Variants in SSBP2 observed in about 807,000 individuals in gnomAD.
The protein encoded by SSBP2 is single-stranded DNA-binding protein 2.
In SSBP2, 17 loss-of-function variants were observed where a neutral mutation model predicts 61.8. The observed-to-expected ratio is 0.28, with a 90% CI of 0.19 to 0.41. SSBP2 has a LOEUF of 0.41. SSBP2 is among the 10% of genes least tolerant of loss of function. The pLI is 1.00. For synonymous variants in SSBP2, 139 were observed against 141.3 expected (o/e 0.98, Z 0.12); for missense variants, 310 against 458.7 (o/e 0.68, Z 2.96).
chr5:81,594,762 A>G (rs924322969), intron 4 of SSBP2, among the ~76,000 whole-genome samples: 3 of 152,240 alleles, frequency 2.0e-5, no homozygotes, highest in African/African-American at 7.2e-5. Context: ...TAATGAAATG[A>G]AGGCAGAAAT....
intron 2 of SSBP2, among the ~76,000 whole-genome samples, chr5:81,646,383 A>G (rs949899761): frequency 1.3e-5 from 2 of 152,096 alleles, no homozygotes; most frequent in Admixed American, 1.3e-4. Flanking sequence ...ACCAACTCAA[A>G]TAAGTAAGTC....
chr5:81,627,516 C>T (rs1747289925), intron 3 of SSBP2, among the ~76,000 whole-genome samples: 1 of 152,078 alleles, frequency 6.6e-6, no homozygotes, highest in Non-Finnish European at 1.5e-5. Flanking sequence ...TGCCATTGCA[C>T]TTGTTTTCCT....
intron 4 of SSBP2, among the ~76,000 whole-genome samples, chr5:81,563,528 G>A (rs1773205314): frequency 6.6e-6 from 1 of 152,088 alleles, no homozygotes; most frequent in Non-Finnish European, 1.5e-5. Context: ...GCTCTTTAAA[G>A]GACACTGAAA....
At position 81,461,036 on chromosome 5, in the gene SSBP2, A is replaced by T. The variant is rs6893826; in HGVS notation, c.687+19T>A. ...TTACAAAATGCAAAATATTAAAAAA[A>T]ATATATATATATACTCACTGAATTG... On this transcript the variant is annotated intron_variant, in intron 10 of 16. Transcript: ENST00000320672. The T allele has an allele frequency of 0.33, 423,490 of 1,283,902 alleles. 72,959 individuals are homozygous for T. Among genetic ancestry groups the T allele is most frequent in the African/African-American group, 0.8 (50,334 of 62,652 alleles). The allele number at this position is 1,283,902 out of a possible 1,614,324, so 79.5% of individuals were successfully genotyped here.
Position 81,553,657 on chromosome 5 carries a change from A to G in SSBP2, c.283-39940T>C, listed in dbSNP as rs141473374. Among the ~76,000 whole-genome samples, 397 of 152,288 alleles carry G rather than the reference A, an allele frequency of 2.6e-3. 1 individual carries two copies. The highest frequency in any genetic ancestry group is 8.5e-3 in the African/African-American group (353 of 41,572). Reference sequence around the variant, plus strand: ...TATACATATTGCTTCATATATTTATATATAAATAAAATATCATCATCAGGG... The same window carrying G: ...TATACATATTGCTTCATATATTTATGTATAAATAAAATATCATCATCAGGG... On this transcript the variant is annotated intron_variant, in intron 4 of 16. Coordinates refer to ENST00000320672, the MANE Select transcript of SSBP2 (RefSeq NM_012446.5).
At chr5:81,450,431 T>C (rs376460018) in intron 10 of SSBP2, among the ~76,000 whole-genome samples, 1 of 152,210 alleles carries the variant, frequency 6.6e-6, no homozygotes, top group African/African-American at 2.4e-5. Context: ...GCTCATGTTC[T>C]TCTGTCACTC....
chr5:81,632,156 T>C (rs1747789699), intron 3 of SSBP2, among the ~76,000 whole-genome samples: 1 of 152,248 alleles, frequency 6.6e-6, no homozygotes, highest in Admixed American at 6.5e-5. Context: ...TTTGTTAAAA[T>C]GTCTTACGCA....
At chr5:81,538,859 T>C (rs529898067) in intron 4 of SSBP2, among the ~76,000 whole-genome samples, 41 of 152,320 alleles carry the variant, frequency 2.7e-4, no homozygotes, top group Admixed American at 5.2e-4. Context: ...CTGCTGTTCA[T>C]TGACAATGCA....
chr5:81,707,526 C>G (rs1285180361), intron 1 of SSBP2, among the ~76,000 whole-genome samples: 1 of 152,188 alleles, frequency 6.6e-6, no homozygotes. Flanking sequence ...CCTTCCCTCA[C>G]AGTCCTCAGG....
chr5:81,493,259 T>TAGAC (rs2154058224), intron 5 of SSBP2, among the ~76,000 whole-genome samples: 1 of 102,218 alleles, frequency 9.8e-6, no homozygotes, highest in Admixed American at 1.1e-4. Context: ...AACAGATAGA[T>TAGAC]AGATAGATAG....
At chr5:81,739,777 T>C (rs180671084) in intron 1 of SSBP2, among the ~76,000 whole-genome samples, 4 of 152,340 alleles carry the variant, frequency 2.6e-5, no homozygotes, top group Admixed American at 2.0e-4. Context: ...TTTGGCAAAA[T>C]CCAGCTTTTT....
intron 6 of SSBP2, among the ~76,000 whole-genome samples, chr5:81,485,704 T>G (rs1000009126): frequency 6.6e-6 from 1 of 152,138 alleles, no homozygotes; most frequent in Admixed American, 6.6e-5. Flanking sequence ...AGAGACCAGG[T>G]CTTCCTATGT....
intron 4 of SSBP2, among the ~76,000 whole-genome samples, chr5:81,589,943 G>C (rs1287024145): frequency 6.6e-6 from 1 of 151,988 alleles, no homozygotes; most frequent in Non-Finnish European, 1.5e-5. Flanking sequence ...CATGAGGGTG[G>C]AGCTCTCATG....
intron 1 of SSBP2, among the ~76,000 whole-genome samples, chr5:81,666,968 C>T (rs1751186767): frequency 6.6e-6 from 1 of 152,166 alleles, no homozygotes. Flanking sequence ...CAGAACCAGA[C>T]TTCCACTCAT....
chr5:81,482,004 C>T (rs903862657), intron 6 of SSBP2, among the ~76,000 whole-genome samples: 2 of 151,798 alleles, frequency 1.3e-5, no homozygotes, highest in African/African-American at 2.4e-5. Context: ...TGCAGTGGTG[C>T]AATCTTGGCT....
intron 1 of SSBP2, among the ~76,000 whole-genome samples, chr5:81,663,023 TAC>T (rs1428838572): frequency 6.6e-6 from 1 of 152,194 alleles, no homozygotes; most frequent in East Asian, 1.9e-4. Flanking sequence ...CGAATGAATG[TAC>T]AGTCTGGGAA....
chr5:81,487,332 CAAAT>C (rs1766460103), intron 6 of SSBP2, among the ~76,000 whole-genome samples: 1 of 152,044 alleles, frequency 6.6e-6, no homozygotes, highest in Admixed American at 6.6e-5. Context: ...TTCTCTTCAG[CAAAT>C]AAATACTTAT....
Position 81,431,218 on chromosome 5 carries a change from G to T in SSBP2, c.958-2535C>A, listed in dbSNP as rs192396926. Among the ~76,000 whole-genome samples the T allele has an allele frequency of 5.4e-3, 821 of 152,112 alleles. 11 individuals are homozygous for T. Among genetic ancestry groups the T allele is most frequent in the Non-Finnish European group, 5.0e-3 (338 of 67,980 alleles). Reference sequence around the variant, plus strand: ...AAAAAGGACTTAGGTTGGTCAAAAAGGCACTCTACTTGCTTCAGCACAAAA... The same window carrying T: ...AAAAAGGACTTAGGTTGGTCAAAAATGCACTCTACTTGCTTCAGCACAAAA... On this transcript the variant is annotated intron_variant, in intron 15 of 16. Coordinates refer to ENST00000320672, the MANE Select transcript of SSBP2 (RefSeq NM_012446.5).
At chr5:81,661,423 C>T (rs1179827026) in intron 1 of SSBP2, among the ~76,000 whole-genome samples, 2 of 152,106 alleles carry the variant, frequency 1.3e-5, no homozygotes, top group Non-Finnish European at 2.9e-5. Context: ...GAGAAACCTC[C>T]GTACTGTTTT....
Sources: gnomAD v4.1 joint callset for allele counts (sites outside exome capture counted in the v4.1 genomes callset) on GRCh38, gnomAD v4.1.1 for gene constraint, MANE v1.5 for transcripts, NCBI Gene and HGNC (gene_info 2026-07-23, HGNC 2026-07-21) for gene names.